MAP3K13: variants seen among roughly 807,000 people sequenced by gnomAD.
The protein encoded by MAP3K13 is leucine zipper-bearing kinase.
MAP3K13 carries 52 observed loss-of-function variants against 104.0 expected under a neutral mutation model. The observed-to-expected ratio is 0.50, with a 90% CI of 0.40 to 0.63. The LOEUF is 0.63. MAP3K13 is among the 20% of genes least tolerant of loss of function. MAP3K13 has a pLI of 0.00. For missense variants in MAP3K13, 914 were observed against 1,218.5 expected (o/e 0.75, Z 3.72); for synonymous variants, 394 against 442.2 (o/e 0.89, Z 1.37).
intron 7 of MAP3K13, among the ~76,000 whole-genome samples, chr3:185,455,808 GATATATATATGAGAT>G (rs1716672485): frequency 1.0e-5 from 1 of 96,842 alleles, no homozygotes; most frequent in African/African-American, 4.0e-5. Context: ...AGATATATGA[GATATATATATGAGAT>G]ATATATGAGA....
chr3:185,336,956 A>G (rs1722528660), intron 2 of MAP3K13, among the ~76,000 whole-genome samples: 1 of 152,194 alleles, frequency 6.6e-6, no homozygotes, highest in African/African-American at 2.4e-5. Flanking sequence ...AAAATGGGAT[A>G]ATAATATCTC....
intron 1 of MAP3K13, among the ~76,000 whole-genome samples, chr3:185,382,195 A>C (rs2108759756): frequency 6.7e-6 from 1 of 150,094 alleles, no homozygotes; most frequent in South Asian, 2.1e-4. Flanking sequence ...TTTATAAATT[A>C]GGAATAGTAA....
intron 2 of MAP3K13, among the ~76,000 whole-genome samples, chr3:185,346,738 C>T (rs181431128): frequency 9.2e-5 from 14 of 152,186 alleles, no homozygotes; most frequent in African/African-American, 3.4e-4. Context: ...CCAAATTGTA[C>T]TTCAAAAAAG....
rs757971984 is a variant in MAP3K13, at chr3:185,443,445, G to A, written c.660G>A (p.Lys220=). The change falls in exon 4 of 14, where the codon AAG becomes AAA. Residue 220 remains lysine (K), a splice_region_variant and synonymous_variant. Transcript: ENST00000265026. ...GTACATGTTTATGTTTTCTTGGAAG[G>A]GGTGTTTGTACTCAGGCCCCATGTT... ...KLKHPNIIAF[K]GVCTQAPCYC... 69 of 1,603,710 alleles carry A rather than the reference G, an allele frequency of 4.3e-5. No individual in the cohort carries two copies. The highest frequency in any genetic ancestry group is 5.8e-5 in the Non-Finnish European group (68 of 1,172,238).
In MAP3K13 at chr3:185,472,956, AC is replaced by A; in HGVS notation, c.1644-17del. ...TGTGTTTTCATGTGTTTCAGATTAA[AC>A]CTGTTCTTTCCTCCCAGGCCAGACT... On this transcript the variant is annotated intron_variant, in intron 10 of 13. Coordinates refer to ENST00000265026, the MANE Select transcript of MAP3K13 (RefSeq NM_004721.5). The A allele has an allele frequency of 6.2e-7, 1 of 1,607,802 alleles. No homozygotes were observed. The highest frequency in any genetic ancestry group is 1.1e-5 in the South Asian group (1 of 90,498).
In MAP3K13 at chr3:185,442,141, G is replaced by A. The variant is rs1013609551; in HGVS notation, c.660-1304G>A. Among the ~76,000 whole-genome samples the A allele has an allele frequency of 2.8e-4, 42 of 151,550 alleles. 1 individual carries two copies. The highest frequency in any genetic ancestry group is 9.2e-4 in the African/African-American group (38 of 41,274). ...GAATCACTTGAGCCTGGGAGGCAGA[G>A]GTTGCACCACTGCACTCCAACCTGG... On this transcript the variant is annotated intron_variant, in intron 3 of 13. Transcript: ENST00000265026.
intron 2 of MAP3K13, among the ~76,000 whole-genome samples, chr3:185,434,867 T>C (rs1577554350): frequency 1.3e-5 from 2 of 152,308 alleles, no homozygotes; most frequent in Admixed American, 1.3e-4. Flanking sequence ...AATTTGGGCT[T>C]GTGTAAAGCT....
intron 1 of MAP3K13, among the ~76,000 whole-genome samples, chr3:185,425,285 C>T (rs139411235): frequency 6.0e-4 from 91 of 152,286 alleles, no homozygotes; most frequent in African/African-American, 1.9e-3. Context: ...TTGAGCTAAT[C>T]GTCTTCTTTC....
intron 1 of MAP3K13, among the ~76,000 whole-genome samples, chr3:185,365,031 T>A (rs942803649): frequency 6.6e-6 from 1 of 152,196 alleles, no homozygotes; most frequent in East Asian, 1.9e-4. Context: ...AAACTCATCT[T>A]AAAAAATGTT....
At chr3:185,369,783 T>C (rs7643051) in intron 1 of MAP3K13, among the ~76,000 whole-genome samples, 6 of 152,258 alleles carry the variant, frequency 3.9e-5, no homozygotes, top group African/African-American at 1.4e-4. Flanking sequence ...AAGTTTTTAA[T>C]AAAGAGGTTC....
chr3:185,327,191 C>T (rs9832597), intron 2 of MAP3K13, among the ~76,000 whole-genome samples: 118,463 of 152,054 alleles, frequency 0.78, 46,668 homozygotes, highest in Non-Finnish European at 0.84. Context: ...CCTCCATCTT[C>T]GAAGCCAGCG....
chr3:185,328,017 G>A (rs1414458499), intron 2 of MAP3K13, among the ~76,000 whole-genome samples: 1 of 151,242 alleles, frequency 6.6e-6, no homozygotes, highest in Non-Finnish European at 1.5e-5. Context: ...AAGGAAGGAA[G>A]GAATAAAATA....
chr3:185,443,173 G>A (rs554526877), intron 3 of MAP3K13, among the ~76,000 whole-genome samples: 1 of 151,986 alleles, frequency 6.6e-6, no homozygotes, highest in Non-Finnish European at 1.5e-5. Flanking sequence ...TCTTTGTCCC[G>A]GAATGGAAGG....
At position 185,428,854 on chromosome 3, in the gene MAP3K13, T is replaced by C; in HGVS notation, c.273T>C (p.Asp91=). Residue 91 remains aspartate, a synonymous_variant, in exon 2 of 14, where the codon GAT becomes GAC. Transcript: ENST00000265026. ...GCGTTCTTCAGCTAAGGGAACACGA[T>C]GAATCAGAGACGGCGGTGTCTCAGG... The part of the protein sequence containing the change: ...ENSVLQLREH[D]ESETAVSQGN... The C allele has an allele frequency of 6.2e-7, 1 of 1,614,104 alleles. No individual in the cohort carries two copies. The highest frequency in any genetic ancestry group is 8.5e-7 in the Non-Finnish European group (1 of 1,180,018).
chr3:185,346,222 C>G (rs1442514304), intron 2 of MAP3K13, among the ~76,000 whole-genome samples: 2 of 152,156 alleles, frequency 1.3e-5, no homozygotes, highest in Admixed American at 1.3e-4. Context: ...TAGCAGTGAA[C>G]TTTTCTTATC....
chr3:185,297,076 T>G (rs1365552953), intron 2 of MAP3K13, among the ~76,000 whole-genome samples: 3 of 152,198 alleles, frequency 2.0e-5, no homozygotes, highest in African/African-American at 7.2e-5. Flanking sequence ...CACAGATATT[T>G]GAGTCTTACA....
intron 1 of MAP3K13, among the ~76,000 whole-genome samples, chr3:185,369,311 C>T (rs1290584105): frequency 6.6e-6 from 1 of 152,174 alleles, no homozygotes; most frequent in Non-Finnish European, 1.5e-5. Context: ...GGTGAACCAT[C>T]AAACAAAGGG....
chr3:185,447,864 C>G lies in MAP3K13; in HGVS notation c.927C>G (p.Thr309=). The change falls in exon 5 of 14, where the codon ACC becomes ACG. Residue 309 remains threonine, a synonymous_variant. Transcript: ENST00000265026. The part of the protein sequence containing the change: ...GTSKELSDKS[T]KMSFAGTVAW... The stretch of plus-strand genomic sequence containing the variant: ...CTAAGGAACTCAGTGACAAAAGTAC[C>G]AAGATGTCATTTGCTGGCACGGTCG... 1.2e-6 allele frequency: 2 copies of G among 1,613,684 alleles called. No homozygotes were observed. Among genetic ancestry groups the G allele is most frequent in the Non-Finnish European group, 1.7e-6 (2 of 1,179,776 alleles).
chr3:185,363,330 A>C lies in MAP3K13; in HGVS notation c.-124A>C, dbSNP rs892141335. 5.1e-6 allele frequency: 5 copies of C among 985,306 alleles called. No homozygotes were observed. The African/African-American group carries it at 8.7e-5, about 17-fold the overall frequency. 61.0% of individuals were successfully genotyped at this position (985,306 alleles called of 1,614,324 possible). A position where few individuals can be genotyped will look rare whatever the true frequency, so the allele number is the denominator to read the frequency against. On this transcript the variant is annotated 5_prime_UTR_variant, in exon 1 of 14. Transcript: ENST00000265026. ...AATTCACCTTACATCTTTTCAAAGC[A>C]AGAAAATGGAACAGCATGTGTAGGA...
Sources: allele counts gnomAD v4.1 joint callset (sites outside exome capture counted in the v4.1 genomes callset), GRCh38; gene constraint gnomAD v4.1.1; transcripts MANE v1.5; gene names NCBI Gene and HGNC (gene_info 2026-07-23, HGNC 2026-07-21).